Variants in TPTE observed in about 807,000 individuals in gnomAD.
TPTE encodes the protein transmembrane phosphatase with tensin homology, also known as putative tyrosine-protein phosphatase TPTE.
Under a neutral mutation model 84.1 loss-of-function variants are expected in TPTE, and 59 were observed. The observed-to-expected ratio is 0.70, with a 90% CI of 0.57 to 0.87. The LOEUF is 0.87. Among genes scored for constraint, TPTE ranks in the 40% least tolerant of loss-of-function variants. TPTE has a pLI of 0.00. For missense variants in TPTE, 382 were observed against 659.6 expected, an observed-to-expected ratio of 0.58 and a Z score of 4.61; for synonymous variants, 130 against 223.5, an observed-to-expected ratio of 0.58 and a Z score of 3.73.
intron 4 of TPTE, among the ~76,000 whole-genome samples, chr21:10,540,437 T>C (rs943928350): frequency 2.0e-5 from 3 of 152,428 alleles, no homozygotes; most frequent in East Asian, 3.9e-4. Flanking sequence ...AGGCTTTTTA[T>C]GTTAGTGTTT....
chr21:10,585,241 CAAAAA>C (rs61644136), intron 17 of TPTE, among the ~76,000 whole-genome samples: 294 of 144,186 alleles, frequency 2.0e-3, no homozygotes, highest in African/African-American at 6.9e-3. Context: ...AAAAATGAAA[CAAAAA>C]AAAAAAAAAA....
chr21:10,553,384 G>T (rs2074618302), intron 8 of TPTE, among the ~76,000 whole-genome samples: 1 of 152,308 alleles, frequency 6.6e-6, no homozygotes, highest in Non-Finnish European at 1.5e-5. Context: ...TGCCATAGAG[G>T]AAGTTAACTC....
intron 21 of TPTE, 37 bp downstream of exon 21, chr21:10,598,131 T>G: frequency 1.2e-6 from 2 of 1,611,366 alleles, no homozygotes; most frequent in Non-Finnish European, 1.7e-6. Flanking sequence ...AATCTGATGT[T>G]TGTTTTAAGG....
At chr21:10,544,372 T>A (rs947851374) in intron 7 of TPTE, among the ~76,000 whole-genome samples, 1 of 152,310 alleles carries the variant, frequency 6.6e-6, no homozygotes, top group Non-Finnish European at 1.5e-5. Context: ...CATGGGCGAA[T>A]TAAAATGTAT....
intron 3 of TPTE, among the ~76,000 whole-genome samples, chr21:10,528,414 A>G (rs2074118759): frequency 6.6e-6 from 1 of 152,304 alleles, no homozygotes; most frequent in African/African-American, 2.4e-5. Context: ...CACTGATTCT[A>G]AAATTCTTTC....
chr21:10,543,111 G>A lies in TPTE; in HGVS notation c.120-218G>A, dbSNP rs1349066819. Reference sequence around the variant, plus strand: ...GTGGCGCAATCTCGGCTCACTGCAAGCTCTGCTTCCCGGGTTCACGCCATT... The same window carrying A: ...GTGGCGCAATCTCGGCTCACTGCAAACTCTGCTTCCCGGGTTCACGCCATT... On this transcript the variant is annotated intron_variant, in intron 6 of 23. Coordinates refer to ENST00000618007, the MANE Select transcript of TPTE (RefSeq NM_199261.4). Among the ~76,000 whole-genome samples, 2 of 120,064 alleles carry A rather than the reference G, an allele frequency of 1.7e-5. 1 individual carries two copies. The highest frequency in any genetic ancestry group is 3.2e-5 in the Non-Finnish European group (2 of 63,396). The allele number at this position is 120,064 out of a possible 152,430, so 78.8% of individuals were successfully genotyped here. A position where few individuals can be genotyped will look rare whatever the true frequency, so the allele number is the denominator to read the frequency against.
chr21:10,560,903 G>A (rs2074786586), intron 9 of TPTE, 127 bp from the exon 10 acceptor site: 3 of 1,189,270 alleles, frequency 2.5e-6, no homozygotes, highest in Non-Finnish European at 2.3e-6. Context: ...TCCTGCCACT[G>A]GGCAGCTTAA....
At chr21:10,596,503 T>C (rs1385873844) in intron 20 of TPTE, among the ~76,000 whole-genome samples, 13 of 152,392 alleles carry the variant, frequency 8.5e-5, no homozygotes, top group Admixed American at 1.3e-4. Flanking sequence ...TATCGTATCA[T>C]TTTCTCACCT....
At chr21:10,570,979 C>G (rs1395259882) in intron 14 of TPTE, among the ~76,000 whole-genome samples, 1 of 152,308 alleles carries the variant, frequency 6.6e-6, no homozygotes, top group African/African-American at 2.4e-5. Flanking sequence ...CCCATCCCAT[C>G]TGGCACCCAC....
Position 10,552,539 on chromosome 21 carries a change from C to T in TPTE, c.174-118C>T. 3 of 1,495,942 alleles carry T rather than the reference C, an allele frequency of 2.0e-6. No homozygotes were observed. The South Asian group carries it at 3.8e-5, about 19-fold the overall frequency. The allele number at this position is 1,495,942 out of a possible 1,614,324, so 92.7% of individuals were successfully genotyped here. A position where few individuals can be genotyped will look rare whatever the true frequency, so the allele number is the denominator to read the frequency against. On this transcript the variant is annotated intron_variant, in intron 7 of 23. Coordinates refer to ENST00000618007, the MANE Select transcript of TPTE (RefSeq NM_199261.4). ...TATTAGGTCTTCCAGTGAGCTAAGTCATGTTTACTATATCCTTTAGATTCA... is the reference window on the plus strand; with the variant it reads ...TATTAGGTCTTCCAGTGAGCTAAGTTATGTTTACTATATCCTTTAGATTCA...
chr21:10,605,367 C>A (rs1266906170), intron 23 of TPTE, 50 bp from the exon 24 acceptor site: 1 of 1,599,208 alleles, frequency 6.3e-7, no homozygotes, highest in African/African-American at 1.3e-5. Context: ...AACTGTGTGG[C>A]TTTTCAGTGA....
In TPTE at chr21:10,552,732, G is replaced by A. The variant is rs772374963; in HGVS notation, c.233+16G>A. The A allele has an allele frequency of 6.2e-7, 1 of 1,613,690 alleles. No individual in the cohort carries two copies. On this transcript the variant is annotated intron_variant, in intron 8 of 23. Transcript: ENST00000618007. ...CTTCATATGAGTAAGTCAGTTTGAAGTTTGAAAGGAGGGAGCCATTGATGG... is the reference window on the plus strand; with the variant it reads ...CTTCATATGAGTAAGTCAGTTTGAAATTTGAAAGGAGGGAGCCATTGATGG...
chr21:10,563,399 C>G (rs1475071768), intron 10 of TPTE, among the ~76,000 whole-genome samples: 2 of 152,302 alleles, frequency 1.3e-5, no homozygotes, highest in Non-Finnish European at 2.9e-5. Context: ...TACTCTTACT[C>G]TAAGTAGAGA....
chr21:10,560,500 T>C (rs1290507152), intron 9 of TPTE, among the ~76,000 whole-genome samples: 1 of 152,308 alleles, frequency 6.6e-6, no homozygotes, highest in Non-Finnish European at 1.5e-5. Flanking sequence ...AAGACTCATG[T>C]GCCCATCACT....
chr21:10,546,838 TAAGGA>T (rs1445597254), intron 7 of TPTE, among the ~76,000 whole-genome samples: 1 of 152,364 alleles, frequency 6.6e-6, no homozygotes, highest in South Asian at 2.1e-4. Flanking sequence ...TCATGAGGTT[TAAGGA>T]AAGAAGCCAT....
chr21:10,589,519 G>A (rs1275560925), intron 17 of TPTE, among the ~76,000 whole-genome samples: 1 of 152,308 alleles, frequency 6.6e-6, no homozygotes, highest in African/African-American at 2.4e-5. Context: ...CAGCCAGATA[G>A]GGAAGATTCC....
chr21:10,573,939 C>T (rs1265520830), intron 14 of TPTE, among the ~76,000 whole-genome samples: 2 of 152,302 alleles, frequency 1.3e-5, no homozygotes, highest in African/African-American at 4.8e-5. Flanking sequence ...TTTTATTGGA[C>T]AATGCAAATT....
chr21:10,539,932 C>T (rs1315612639), intron 4 of TPTE, among the ~76,000 whole-genome samples: 1 of 152,304 alleles, frequency 6.6e-6, no homozygotes, highest in African/African-American at 2.4e-5. Flanking sequence ...TTGCTTGAAC[C>T]CGGGAGGCAG....
At position 10,545,127 on chromosome 21, in the gene TPTE, TTAGC is replaced by T. The variant is rs1394242772; in HGVS notation, c.173+1748_173+1751del. Among the ~76,000 whole-genome samples, 3 of 152,422 alleles carry T rather than the reference TTAGC, an allele frequency of 2.0e-5. No homozygotes were observed. In the East Asian group the frequency reaches 5.8e-4, roughly 29 times the overall value. ...TCTTGCTATGTTCATTTTTAATCCT[TTAGC>T]TATTACCTCATTGAATTAAAAAGAG... On this transcript the variant is annotated intron_variant, in intron 7 of 23. Coordinates refer to ENST00000618007, the MANE Select transcript of TPTE (RefSeq NM_199261.4).
Sources: gnomAD v4.1 joint callset for allele counts (sites outside exome capture counted in the v4.1 genomes callset) on GRCh38, gnomAD v4.1.1 for gene constraint, MANE v1.5 for transcripts, NCBI Gene and HGNC (gene_info 2026-07-23, HGNC 2026-07-21) for gene names.